The following COL13A1 variants were observed in gnomAD, a reference collection of about 807,000 sequenced individuals.
COL13A1 encodes the protein collagen alpha-1(XIII) chain.
A neutral mutation model predicts 130.9 loss-of-function variants in COL13A1; 89 were observed. The ratio of observed to expected loss-of-function variants is 0.68; its 90% CI spans 0.57 to 0.81. COL13A1 has a LOEUF of 0.81. Among genes scored for constraint, COL13A1 ranks in the 30% least tolerant of loss-of-function variants. The pLI is 0.00. For missense variants in COL13A1, 879 were observed against 934.6 expected (o/e 0.94, Z 0.78); for synonymous variants, 402 against 341.6 (o/e 1.18, Z -1.95).
intron 17 of COL13A1, among the ~76,000 whole-genome samples, chr10:69,908,218 T>C (rs1294962319): frequency 1.3e-5 from 2 of 152,186 alleles, no homozygotes; most frequent in Non-Finnish European, 2.9e-5. Context: ...CCAAAGCACA[T>C]TCCTCGCACA....
At chr10:69,809,718 A>C (rs1842459779) in intron 1 of COL13A1, among the ~76,000 whole-genome samples, 1 of 152,258 alleles carries the variant, frequency 6.6e-6, no homozygotes, top group Admixed American at 6.5e-5. Context: ...TCCCAGAGGC[A>C]GTGTTTACTG....
chr10:69,803,298 C>T (rs1840572495), intron 1 of COL13A1, among the ~76,000 whole-genome samples: 1 of 152,282 alleles, frequency 6.6e-6, no homozygotes, highest in African/African-American at 2.4e-5. Context: ...TTAGTCCACA[C>T]CTTCTTTTTC....
intron 39 of COL13A1, 124 bp downstream of exon 39, chr10:69,953,092 C>G: frequency 1.6e-6 from 1 of 637,496 alleles, no homozygotes; most frequent in Non-Finnish European, 2.5e-6. Flanking sequence ...ACCAAAATCT[C>G]TCTGTTCATT....
intron 9 of COL13A1, 112 bp from the exon 10 acceptor site, chr10:69,889,302 G>T: frequency 7.4e-7 from 1 of 1,351,640 alleles, no homozygotes; most frequent in Non-Finnish European, 1.0e-6. Flanking sequence ...GGACAGGGAG[G>T]AGCACGGGGG....
rs934940751 is a variant in COL13A1, at chr10:69,959,061, C to T, written c.*360C>T. On this transcript the variant is annotated 3_prime_UTR_variant, in exon 41 of 41. Coordinates refer to ENST00000645393, the MANE Select transcript of COL13A1 (RefSeq NM_001368882.1). ...GTGAATTCACATAAATGTAGAGGTCCATGATATTTGCTAAGCTAGGTGTGT... is the reference window on the plus strand; with the variant it reads ...GTGAATTCACATAAATGTAGAGGTCTATGATATTTGCTAAGCTAGGTGTGT... 7 of 232,974 alleles carry T rather than the reference C, an allele frequency of 3.0e-5. No homozygotes were observed. Among genetic ancestry groups the T allele is most frequent in the Non-Finnish European group, 5.9e-5 (7 of 119,412 alleles). The allele number at this position is 232,974 out of a possible 1,614,324, so 14.4% of individuals were successfully genotyped here.
intron 2 of COL13A1, among the ~76,000 whole-genome samples, chr10:69,861,865 T>TA (rs1858191456): frequency 6.6e-6 from 1 of 152,234 alleles, no homozygotes; most frequent in South Asian, 2.1e-4. Context: ...GGACCTGTTA[T>TA]ACCCCATCAA....
chr10:69,897,398 G>A (rs1589375128), intron 13 of COL13A1: 1 of 1,461,550 alleles, frequency 6.8e-7, no homozygotes, highest in Non-Finnish European at 9.5e-7. Flanking sequence ...GGGGAGCAGG[G>A]GAGCTGGTGT....
intron 21 of COL13A1, 118 bp downstream of exon 21, chr10:69,919,845 C>T: frequency 2.5e-6 from 1 of 397,718 alleles, no homozygotes; most frequent in Non-Finnish European, 4.4e-6. Context: ...TGCATGTGTT[C>T]CGAGATGAGG....
chr10:69,802,797 C>T (rs1240262541), intron 1 of COL13A1, 80 bp downstream of exon 1: 1 of 1,547,988 alleles, frequency 6.5e-7, no homozygotes, highest in Non-Finnish European at 8.8e-7. Flanking sequence ...AGCCGGTGTC[C>T]GCGGGCGCTC....
At chr10:69,849,928 G>A (rs1002485095) in intron 2 of COL13A1, among the ~76,000 whole-genome samples, 11 of 152,210 alleles carry the variant, frequency 7.2e-5, no homozygotes, top group East Asian at 3.9e-4. Flanking sequence ...AGAGTAGGAC[G>A]AGTTGGTCAT....
intron 2 of COL13A1, among the ~76,000 whole-genome samples, chr10:69,854,089 G>A (rs528477660): frequency 3.3e-5 from 5 of 152,236 alleles, no homozygotes; most frequent in Admixed American, 1.3e-4. Flanking sequence ...TGGACTCCTC[G>A]GCCTCCCGAG....
chr10:69,894,850 G>A, intron 12 of COL13A1, 149 bp downstream of exon 12: 4 of 1,054,282 alleles, frequency 3.8e-6, no homozygotes, highest in Non-Finnish European at 5.6e-6. Flanking sequence ...AGATTCGGTT[G>A]ACACCGCTCC....
intron 2 of COL13A1, among the ~76,000 whole-genome samples, chr10:69,863,970 A>G (rs1859021888): frequency 6.6e-6 from 1 of 152,022 alleles, no homozygotes; most frequent in Admixed American, 6.5e-5. Context: ...CGGGAGGCTG[A>G]GGTGGGAAGA....
intron 2 of COL13A1, among the ~76,000 whole-genome samples, chr10:69,840,165 G>C (rs1157300220): frequency 6.6e-6 from 1 of 152,302 alleles, no homozygotes; most frequent in East Asian, 1.9e-4. Context: ...AGAGCTGAAG[G>C]CTTCTTGACT....
intron 9 of COL13A1, among the ~76,000 whole-genome samples, 161 bp from the exon 10 acceptor site, chr10:69,889,253 A>G (rs1180642101): frequency 6.6e-6 from 1 of 152,144 alleles, no homozygotes; most frequent in African/African-American, 2.4e-5. Context: ...GGACTGGGTG[A>G]AGGAGTGCAC....
In COL13A1 at chr10:69,928,952, C is replaced by G. The variant is rs546580656; in HGVS notation, c.1438C>G (p.Pro480Ala). The change falls in exon 28 of 41, where the codon CCT becomes GCT. Residue 480 changes from proline (P) to alanine (A), a missense_variant. Coordinates refer to ENST00000645393, the MANE Select transcript of COL13A1 (RefSeq NM_001368882.1). ...TLALMGPPGLPGQIGPPGAPG... is the reference protein window; with the variant it reads ...TLALMGPPGLAGQIGPPGAPG... ...TCTCTCCTAGGGGCCTCCTGGTCTT[C>G]CTGGGCAAATTGGCCCACCTGGAGC... 1 of 1,613,524 alleles carries G rather than the reference C, an allele frequency of 6.2e-7. No individual in the cohort carries two copies. Among genetic ancestry groups the G allele is most frequent in the African/African-American group, 1.3e-5 (1 of 75,038 alleles).
chr10:69,917,437 G>A (rs562495014), intron 18 of COL13A1, 104 bp downstream of exon 18: 4 of 1,029,536 alleles, frequency 3.9e-6, no homozygotes, highest in Middle Eastern at 2.7e-4. Flanking sequence ...CAGCTCTTTG[G>A]GCCTCCTTCT....
chr10:69,812,595 T>C (rs769477695), intron 1 of COL13A1, among the ~76,000 whole-genome samples: 1 of 152,226 alleles, frequency 6.6e-6, no homozygotes, highest in Non-Finnish European at 1.5e-5. Context: ...TCTGCCTCTG[T>C]CTTTCCAGGC....
chr10:69,894,371 G>A (rs149912441), intron 10 of COL13A1, among the ~76,000 whole-genome samples, 181 bp from the exon 11 acceptor site: 3 of 152,216 alleles, frequency 2.0e-5, no homozygotes, highest in Non-Finnish European at 2.9e-5. Flanking sequence ...CTGCCCACTG[G>A]GGGGTGAAGC....
Sources: gnomAD v4.1 joint callset for allele counts (sites outside exome capture counted in the v4.1 genomes callset) on GRCh38, gnomAD v4.1.1 for gene constraint, MANE v1.5 for transcripts, NCBI Gene and HGNC (gene_info 2026-07-23, HGNC 2026-07-21) for gene names.